Variants in AUTS2 observed in about 807,000 individuals in gnomAD.
AUTS2 encodes the protein activator of transcription and developmental regulator AUTS2.
In AUTS2, 17 loss-of-function variants were observed where a neutral mutation model predicts 112.4. That is an observed-to-expected ratio of 0.15 (90% CI 0.10 to 0.23). The LOEUF is 0.23. Ranked by LOEUF, AUTS2 falls within the 10% of genes least tolerant of loss-of-function variation. The pLI is 1.00. For synonymous variants in AUTS2, 751 were observed against 702.7 expected (o/e 1.07, Z -1.09); for missense variants, 1,510 against 1,701.6 (o/e 0.89, Z 1.98).
At chr7:70,223,850 T>C (rs545092908) in intron 4 of AUTS2, among the ~76,000 whole-genome samples, 1 of 143,332 alleles carries the variant, frequency 7.0e-6, no homozygotes, top group South Asian at 2.3e-4. Context: ...GTTTGTATCT[T>C]TGTTTTTTTT....
In AUTS2 at chr7:69,815,039, C is replaced by A. The variant is rs974675218; in HGVS notation, c.310-84247C>A. ...AGTGATGCCTCAGTTGTAAATTACC[C>A]TGGCTTTGCCATGAAGACATTTACA... On this transcript the variant is annotated intron_variant, in intron 1 of 18. Coordinates refer to ENST00000342771, the MANE Select transcript of AUTS2 (RefSeq NM_015570.4). 3.3e-5 allele frequency among the ~76,000 whole-genome samples: 5 copies of A among 152,176 alleles called. 1 individual carries two copies. Among genetic ancestry groups the A allele is most frequent in the Non-Finnish European group, 7.4e-5 (5 of 68,026 alleles).
intron 1 of AUTS2, among the ~76,000 whole-genome samples, chr7:69,658,471 C>T (rs1795643090): frequency 6.6e-6 from 1 of 152,138 alleles, no homozygotes. Context: ...TTTATTAGAG[C>T]TAGACAATTA....
At chr7:70,760,250 C>T (rs1789485281) in intron 6 of AUTS2, among the ~76,000 whole-genome samples, 1 of 152,210 alleles carries the variant, frequency 6.6e-6, no homozygotes, top group East Asian at 1.9e-4. Flanking sequence ...CGTGATCCGC[C>T]CGCCTTGGCC....
chr7:70,518,652 C>T (rs1799518206), intron 5 of AUTS2, among the ~76,000 whole-genome samples: 2 of 151,148 alleles, frequency 1.3e-5, no homozygotes, highest in African/African-American at 4.9e-5. Context: ...CACTGCACTC[C>T]AGCCTGGGCG....
At chr7:70,340,264 T>A (rs1281487347) in intron 4 of AUTS2, among the ~76,000 whole-genome samples, 2 of 151,974 alleles carry the variant, frequency 1.3e-5, no homozygotes, top group East Asian at 1.9e-4. Flanking sequence ...ACATTTTTTT[T>A]AATAATGCAG....
At chr7:70,701,568 T>C (rs923203282) in intron 6 of AUTS2, among the ~76,000 whole-genome samples, 9 of 152,300 alleles carry the variant, frequency 5.9e-5, no homozygotes, top group African/African-American at 1.9e-4. Context: ...TCATAGAGAT[T>C]TTTGTGTTTA....
At chr7:70,460,073 C>T (rs185718961) in intron 5 of AUTS2, among the ~76,000 whole-genome samples, 26 of 152,272 alleles carry the variant, frequency 1.7e-4, no homozygotes, top group Non-Finnish European at 2.9e-4. Context: ...GCATCACTTT[C>T]CATACCGTAT....
intron 2 of AUTS2, among the ~76,000 whole-genome samples, chr7:70,052,151 A>G (rs1269793818): frequency 6.6e-6 from 1 of 152,210 alleles, no homozygotes; most frequent in Non-Finnish European, 1.5e-5. Flanking sequence ...GTAATGTGGT[A>G]TGTCACCATC....
intron 5 of AUTS2, among the ~76,000 whole-genome samples, chr7:70,530,513 G>C (rs1800040018): frequency 6.6e-6 from 1 of 152,106 alleles, no homozygotes; most frequent in Admixed American, 6.6e-5. Context: ...TTATGCTCAA[G>C]CCTTTCTTTT....
intron 6 of AUTS2, among the ~76,000 whole-genome samples, chr7:70,711,133 C>G (rs534294197): frequency 4.4e-4 from 67 of 152,334 alleles, no homozygotes; most frequent in African/African-American, 1.5e-3. Context: ...CTCACCCCCC[C>G]AGAGCACACC....
intron 4 of AUTS2, among the ~76,000 whole-genome samples, chr7:70,252,251 A>G (rs1786640430): frequency 6.6e-6 from 1 of 152,166 alleles, no homozygotes. Context: ...CCCATGAACA[A>G]TGCACAAGGG....
At chr7:70,764,138 GTGGTTCCGGGCCTTGC>G (rs1789752923) in intron 7 of AUTS2, among the ~76,000 whole-genome samples, 1 of 152,140 alleles carries the variant, frequency 6.6e-6, no homozygotes, top group Non-Finnish European at 1.5e-5. Context: ...GGTGGCTTTG[GTGGTTCCGGGCCTTGC>G]TTTTTCCTAA....
At chr7:70,421,854 T>C (rs1442488873) in intron 4 of AUTS2, among the ~76,000 whole-genome samples, 1 of 152,256 alleles carries the variant, frequency 6.6e-6, no homozygotes, top group Non-Finnish European at 1.5e-5. Context: ...GCATATAGTA[T>C]GTCAAAACAG....
chr7:70,279,162 T>G (rs963689558), intron 4 of AUTS2, among the ~76,000 whole-genome samples: 2 of 152,220 alleles, frequency 1.3e-5, no homozygotes, highest in Admixed American at 1.3e-4. Flanking sequence ...AACCATGATA[T>G]TCTGAAATCG....
chr7:70,785,917 G>A, intron 16 of AUTS2, 38 bp from the exon 17 acceptor site: 1 of 1,601,516 alleles, frequency 6.2e-7, no homozygotes, highest in Non-Finnish European at 8.5e-7. Flanking sequence ...TCCCAGCAGA[G>A]CCCCTGACCA....
At chr7:70,422,793 AC>A (rs1447052577) in intron 4 of AUTS2, among the ~76,000 whole-genome samples, 1 of 151,810 alleles carries the variant, frequency 6.6e-6, no homozygotes. Context: ...AAAAAATTAT[AC>A]CCATCTTTTT....
intron 2 of AUTS2, among the ~76,000 whole-genome samples, chr7:69,927,240 A>G (rs1439737021): frequency 2.0e-5 from 3 of 148,564 alleles, no homozygotes; most frequent in Non-Finnish European, 4.5e-5. Flanking sequence ...ACAGTGGTCT[A>G]CCTTCACATG....
intron 5 of AUTS2, among the ~76,000 whole-genome samples, chr7:70,495,710 CA>C (rs1798439521): frequency 7.2e-6 from 1 of 139,308 alleles, no homozygotes; most frequent in Non-Finnish European, 1.6e-5. Flanking sequence ...CACACACACA[CA>C]CCCCACACAT....
At chr7:69,802,431 A>G (rs1362826764) in intron 1 of AUTS2, among the ~76,000 whole-genome samples, 2 of 152,156 alleles carry the variant, frequency 1.3e-5, no homozygotes, top group Non-Finnish European at 2.9e-5. Flanking sequence ...GGGACCTGAT[A>G]ACTTACTCTG....
Sources: gnomAD v4.1 joint callset for allele counts (sites outside exome capture counted in the v4.1 genomes callset) on GRCh38, gnomAD v4.1.1 for gene constraint, MANE v1.5 for transcripts, NCBI Gene and HGNC (gene_info 2026-07-23, HGNC 2026-07-21) for gene names.